Variants in HEATR1 observed in about 807,000 individuals in gnomAD.
The protein encoded by HEATR1 is HEAT repeat containing 1, also known as HEAT repeat-containing protein 1.
HEATR1 carries 77 observed loss-of-function variants against 248.2 expected under a neutral mutation model. The ratio of observed to expected loss-of-function variants is 0.31; its 90% CI spans 0.26 to 0.37. The LOEUF (loss-of-function observed/expected upper bound fraction) is 0.37, where lower values mean the gene tolerates loss of function less well. HEATR1 is among the 10% of genes least tolerant of loss of function. The pLI is 1.00. For synonymous variants in HEATR1, 897 were observed against 923.1 expected, an observed-to-expected ratio of 0.97 and a Z score of 0.51; for missense variants, 2,420 against 2,504.9, an observed-to-expected ratio of 0.97 and a Z score of 0.72.
Position 236,559,083 on chromosome 1 carries a change from A to G in HEATR1, c.4823T>C (p.Val1608Ala), listed in dbSNP as rs780817490. ...ETFIPVIRGLVGNPLPSVRRK... is the reference protein window; with the variant it reads ...ETFIPVIRGLAGNPLPSVRRK... ...GCGAACAGATGGCAGGGGATTGCCC[A>G]CCAGCCCTCTGATCACAGGAATGAA... Residue 1608 changes from valine to alanine, a missense_variant, in exon 35 of 45, where the codon GTG (valine) becomes GCG (alanine). Coordinates refer to ENST00000366582, the MANE Select transcript of HEATR1 (RefSeq NM_018072.6). 1.7e-5 allele frequency: 27 copies of G among 1,612,608 alleles called. No homozygotes were observed. Among genetic ancestry groups the G allele is most frequent in the Non-Finnish European group, 2.3e-5 (27 of 1,179,510 alleles).
At chr1:236,573,189 A>G (rs1663473655) in intron 24 of HEATR1, among the ~76,000 whole-genome samples, 3 of 152,180 alleles carry the variant, frequency 2.0e-5, no homozygotes, top group South Asian at 4.1e-4. Context: ...ATACAGTATC[A>G]CTTCTCCAGT....
intron 12 of HEATR1, 122 bp from the exon 13 acceptor site, chr1:236,588,165 C>T: frequency 1.6e-6 from 1 of 633,272 alleles, no homozygotes; most frequent in Non-Finnish European, 2.7e-6. Flanking sequence ...ACAGGCTCTG[C>T]TCTGGATGAG....
intron 9 of HEATR1, among the ~76,000 whole-genome samples, chr1:236,593,567 C>T (rs563769068): frequency 4.2e-5 from 5 of 120,242 alleles, no homozygotes; most frequent in South Asian, 5.4e-4. Context: ...TTCACTGTAT[C>T]GAGTTGCCCA....
intron 2 of HEATR1, 144 bp downstream of exon 2, chr1:236,603,810 T>C: frequency 1.1e-6 from 1 of 883,710 alleles, no homozygotes; most frequent in East Asian, 2.8e-5. Flanking sequence ...TATGTTCTCT[T>C]TCCCTTAAAA....
chr1:236,586,364 A>T lies in HEATR1; in HGVS notation c.1804T>A (p.Cys602Ser), dbSNP rs759970054. The change falls in exon 15 of 45, where the codon TGT (cysteine) becomes AGT (serine). Residue 602 changes from cysteine (C) to serine (S), a missense_variant. By Grantham distance (112) the Cys-to-Ser change is moderately radical (BLOSUM62 -1). Transcript: ENST00000366582. ...NDQLSNQVVVCLLPFMVINND... is the reference protein window; with the variant it reads ...NDQLSNQVVVSLLPFMVINND... ...TTGATAACCATAAATGGCAGCAAAC[A>T]TACAACCACCTGATTTGACAACTGA... is the stretch of plus-strand genomic sequence containing the variant. 1 of 1,613,002 alleles carries T rather than the reference A, an allele frequency of 6.2e-7. No individual in the cohort carries two copies. Among genetic ancestry groups the T allele is most frequent in the Non-Finnish European group, 8.5e-7 (1 of 1,179,018 alleles).
intron 28 of HEATR1, among the ~76,000 whole-genome samples, chr1:236,569,936 ATTAT>A (rs1232643099): frequency 1.3e-5 from 2 of 152,226 alleles, no homozygotes; most frequent in African/African-American, 2.4e-5. Context: ...ATACAACAAT[ATTAT>A]TCAGTCATAA....
At position 236,592,013 on chromosome 1, in the gene HEATR1, T is replaced by A. The variant is rs376042124; in HGVS notation, c.1402A>T (p.Thr468Ser). Residue 468 changes from threonine to serine, a missense_variant, in exon 11 of 45, where the codon ACA becomes TCA. Thr to Ser is a moderately conservative substitution (Grantham distance 58). Transcript: ENST00000366582. ...CATACCTGATACTTTCCTCCACTTG[T>A]AGAAAGAGAAACAAACTGATGGAAA... ...ELFHQFVSLS[T>S]SGGKYQFLAD... 1 of 1,598,604 alleles carries A rather than the reference T, an allele frequency of 6.3e-7. No homozygotes were observed. Among genetic ancestry groups the A allele is most frequent in the East Asian group, 2.2e-5 (1 of 44,698 alleles).
Position 236,586,265 on chromosome 1 carries a change from G to A in HEATR1, c.1903C>T (p.Pro635Ser). The A allele has an allele frequency of 1.2e-6, 2 of 1,612,176 alleles. No individual in the cohort carries two copies. Among genetic ancestry groups the A allele is most frequent in the Non-Finnish European group, 1.7e-6 (2 of 1,179,182 alleles). ...LSKSGICSLHPLLRGWEEALE... is the reference protein window; with the variant it reads ...LSKSGICSLHSLLRGWEEALE... ...CCTTCTTCCCAGCCTCTTAATAGAG[G>A]GTGCAGGGAGCAGATTCCTGATTTT... The change falls in exon 15 of 45, where the codon CCT becomes TCT. Residue 635 changes from proline (P) to serine (S), a missense_variant. Physicochemically the swap from Pro to Ser is moderately conservative, Grantham distance 74 (BLOSUM62 -1). Coordinates refer to ENST00000366582, the MANE Select transcript of HEATR1 (RefSeq NM_018072.6).
intron 33 of HEATR1, among the ~76,000 whole-genome samples, 157 bp from the exon 34 acceptor site, chr1:236,559,994 A>C (rs1251354730): frequency 6.6e-6 from 1 of 152,258 alleles, no homozygotes; most frequent in African/African-American, 2.4e-5. Context: ...GAAATGAGGG[A>C]TTATTGCCAT....
Position 236,550,896 on chromosome 1 carries a change from A to C in HEATR1, c.*6T>G, listed in dbSNP as rs1249847871. ...CTGAGTAGAGTATGAAACACCACAG[A>C]AAGTCTTAGAAATAGCTCTGGAGTG... On this transcript the variant is annotated 3_prime_UTR_variant, in exon 45 of 45. Transcript: ENST00000366582. 1 of 1,590,028 alleles carries C rather than the reference A, an allele frequency of 6.3e-7. No individual in the cohort carries two copies.
chr1:236,581,182 A>G, intron 20 of HEATR1, 40 bp downstream of exon 20: 2 of 1,494,690 alleles, frequency 1.3e-6, no homozygotes, highest in Non-Finnish European at 1.9e-6. Flanking sequence ...AAGCATGAAC[A>G]GTTGGTCATG....
At chr1:236,603,499 A>C in intron 2 of HEATR1, 123 bp from the exon 3 acceptor site, 1 of 707,564 alleles carries the variant, frequency 1.4e-6, no homozygotes, top group African/African-American at 1.8e-5. Flanking sequence ...TATAATTTAT[A>C]ATACAGTCCC....
Position 236,565,950 on chromosome 1 carries a change from C to G in HEATR1, c.4404G>C (p.Gln1468His). Residue 1468 changes from glutamine (Q) to histidine (H), a missense_variant, in exon 31 of 45, where the codon CAG (glutamine) becomes CAC (histidine). Coordinates refer to ENST00000366582, the MANE Select transcript of HEATR1 (RefSeq NM_018072.6). Reference protein sequence around the residue: ...HQIQSLMNILQYLLKLPEEKE... With the variant: ...HQIQSLMNILHYLLKLPEEKE... ...TTTCCTCTGGCAGCTTTAGTAAGTA[C>G]TGGAGGATATTCATCAAGCTTTGTA... 6.2e-7 allele frequency: 1 copy of G among 1,613,972 alleles called. No individual in the cohort carries two copies. The highest frequency in any genetic ancestry group is 1.1e-5 in the South Asian group (1 of 91,074).
At position 236,559,054 on chromosome 1, in the gene HEATR1, T is replaced by C. The variant is rs368599342; in HGVS notation, c.4852A>G (p.Lys1618Glu). 6.2e-7 allele frequency: 1 copy of C among 1,613,034 alleles called. No homozygotes were observed. The highest frequency in any genetic ancestry group is 8.5e-7 in the Non-Finnish European group (1 of 1,179,840). ...TTGTTATTCAAAAGGTCCAGCGCTT[T>C]GCGGCGAACAGATGGCAGGGGATTG... ...VGNPLPSVRR[K>E]ALDLLNNKLQ... is the part of the protein sequence containing the mutation. Residue 1618 changes from lysine (K) to glutamate (E), a missense_variant, in exon 35 of 45, where the codon AAA (lysine) becomes GAA (glutamate). Lys to Glu is a moderately conservative substitution (Grantham distance 56). Coordinates refer to ENST00000366582, the MANE Select transcript of HEATR1 (RefSeq NM_018072.6).
chr1:236,600,619 C>T (rs1188809924), intron 3 of HEATR1, among the ~76,000 whole-genome samples: 1 of 152,010 alleles, frequency 6.6e-6, no homozygotes, highest in Non-Finnish European at 1.5e-5. Flanking sequence ...CAACCTTCGC[C>T]TCCCAAGTTC....
Position 236,550,975 on chromosome 1 carries a change from ACTT to A in HEATR1, c.6359_6361del (p.Glu2120del), listed in dbSNP as rs768966751. The A allele has an allele frequency of 2.0e-5, 30 of 1,494,860 alleles. No homozygotes were observed. Among genetic ancestry groups the A allele is most frequent in the Non-Finnish European group, 2.6e-5 (28 of 1,084,678 alleles). 92.6% of individuals were successfully genotyped at this position (1,494,860 alleles called of 1,614,324 possible). A position where few individuals can be genotyped will look rare whatever the true frequency, so the allele number is the denominator to read the frequency against. On this transcript the variant is annotated inframe_deletion, in exon 45 of 45. Transcript: ENST00000366582. ...AATAGTCTTTTGGCACTGATGTTCT[ACTT>A]CTTCACATTCATCTAAAAAAAAAAA...
intron 2 of HEATR1, among the ~76,000 whole-genome samples, chr1:236,603,629 C>T (rs1664386931): frequency 7.2e-6 from 1 of 139,756 alleles, no homozygotes. Context: ...CCTACAATAA[C>T]TAGGCCAGTC....
chr1:236,582,955 G>C (rs774755839), intron 18 of HEATR1, 58 bp downstream of exon 18: 51 of 1,603,366 alleles, frequency 3.2e-5, no homozygotes, highest in Non-Finnish European at 4.3e-5. Context: ...TCATTGTGGA[G>C]TCAATCATTC....
intron 30 of HEATR1, among the ~76,000 whole-genome samples, chr1:236,566,372 C>G (rs1663270667): frequency 1.3e-5 from 2 of 152,114 alleles, no homozygotes; most frequent in South Asian, 4.1e-4. Flanking sequence ...CTCTGCTGGG[C>G]TTAAAAGAGA....
Sources: gnomAD v4.1 joint callset for allele counts (sites outside exome capture counted in the v4.1 genomes callset) on GRCh38, gnomAD v4.1.1 for gene constraint, MANE v1.5 for transcripts, NCBI Gene and HGNC (gene_info 2026-07-23, HGNC 2026-07-21) for gene names.